NIPAL3: variants seen among roughly 807,000 people sequenced by gnomAD.
NIPAL3 encodes NIPA like domain containing 3, also known as NIPA-like protein 3.
NIPAL3 carries 41 observed loss-of-function variants against 47.2 expected under a neutral mutation model. That is an observed-to-expected ratio of 0.87 (90% CI 0.68 to 1.13). NIPAL3 has a LOEUF of 1.13. Ranked by LOEUF, NIPAL3 falls within the 50% of genes most tolerant of loss-of-function variation. NIPAL3 has a pLI of 0.00. For synonymous variants in NIPAL3, 194 were observed against 209.6 expected (o/e 0.93, Z 0.64); for missense variants, 449 against 530.1 (o/e 0.85, Z 1.50).
chr1:24,423,426 G>A (rs956014293), intron 2 of NIPAL3, among the ~76,000 whole-genome samples: 1 of 152,162 alleles, frequency 6.6e-6, no homozygotes, highest in African/African-American at 2.4e-5. Context: ...GGATCACGAG[G>A]TCAGGAGATC....
chr1:24,421,654 A>G (rs1644338255), intron 2 of NIPAL3, among the ~76,000 whole-genome samples: 1 of 152,192 alleles, frequency 6.6e-6, no homozygotes, highest in Admixed American at 6.5e-5. Flanking sequence ...CTAGCACTAC[A>G]CAGTAGGTCC....
intron 2 of NIPAL3, among the ~76,000 whole-genome samples, chr1:24,422,358 T>C (rs1300160644): frequency 6.6e-6 from 1 of 152,180 alleles, no homozygotes; most frequent in African/African-American, 2.4e-5. Context: ...TGTGTGATCT[T>C]GGGCAAGTGT....
rs1191796585 is a variant in NIPAL3, at chr1:24,469,030, C to G, written c.1066C>G (p.Leu356Val). ...HDKGMTVQPE[L>V]KASFSYGALE... ...TAAAGGGATGACTGTCCAGCCTGAA[C>G]TTAAAGCTTCTTTTTCCTATGGGGC... Residue 356 changes from leucine (L) to valine (V), a missense_variant, in exon 12 of 12, where the codon CTT becomes GTT. Coordinates refer to ENST00000374399, the MANE Select transcript of NIPAL3 (RefSeq NM_020448.5). 6.2e-7 allele frequency: 1 copy of G among 1,614,140 alleles called. No individual in the cohort carries two copies. Among genetic ancestry groups the G allele is most frequent in the Non-Finnish European group, 8.5e-7 (1 of 1,180,024 alleles).
chr1:24,413,899 G>A (rs192054522), upstream of NIPAL3: 1 of 152,356 alleles, frequency 6.6e-6, no homozygotes, highest in South Asian at 2.1e-4. Flanking sequence ...TTACATCAGG[G>A]CCTGTAGCGG....
intron 2 of NIPAL3, among the ~76,000 whole-genome samples, chr1:24,428,472 G>A (rs1054038631): frequency 2.0e-5 from 3 of 152,200 alleles, no homozygotes; most frequent in Non-Finnish European, 1.5e-5. Context: ...AGGAAGGAAT[G>A]CTGCCCAGAG....
At chr1:24,446,597 G>A (rs1387705861) in intron 5 of NIPAL3, among the ~76,000 whole-genome samples, 2 of 152,096 alleles carry the variant, frequency 1.3e-5, no homozygotes, top group Non-Finnish European at 2.9e-5. Context: ...CCCTGCAAAG[G>A]ATATGATATC....
intron 5 of NIPAL3, 48 bp downstream of exon 5, chr1:24,445,292 T>G (rs781550235): frequency 2.0e-4 from 268 of 1,321,736 alleles, no homozygotes; most frequent in Non-Finnish European, 2.6e-5. Context: ...ATGAACGCTT[T>G]TTATTAATTG....
chr1:24,458,571 G>A (rs1164603351), intron 8 of NIPAL3, among the ~76,000 whole-genome samples: 1 of 151,972 alleles, frequency 6.6e-6, no homozygotes, highest in Non-Finnish European at 1.5e-5. Flanking sequence ...TAGTGGGGTG[G>A]GGATACGGGG....
At chr1:24,450,586 A>G (rs1317307394) in intron 6 of NIPAL3, among the ~76,000 whole-genome samples, 1 of 152,204 alleles carries the variant, frequency 6.6e-6, no homozygotes, top group Non-Finnish European at 1.5e-5. Context: ...TGCTAAACAC[A>G]TTTTTATGTA....
At chr1:24,431,212 T>TA (rs35888895) in intron 2 of NIPAL3, among the ~76,000 whole-genome samples, 2 of 152,118 alleles carry the variant, frequency 1.3e-5, no homozygotes, top group Non-Finnish European at 2.9e-5. Flanking sequence ...TGATTATCAC[T>TA]AAAAAAAGTG....
At chr1:24,453,260 T>C (rs1290528827) in intron 6 of NIPAL3, 148 bp from the exon 7 acceptor site, 1 of 624,908 alleles carries the variant, frequency 1.6e-6, no homozygotes, top group East Asian at 2.8e-5. Context: ...CCCCTGAACG[T>C]CTAACAGTAG....
intron 2 of NIPAL3, chr1:24,433,151 G>A (rs1040778848): frequency 6.6e-6 from 1 of 152,158 alleles, no homozygotes; most frequent in Non-Finnish European, 1.5e-5. Context: ...TACAGTTGAG[G>A]AAACAAATGC....
rs1194249812 is a variant in NIPAL3 at position 24,419,541 on chromosome 1, G to A, written c.-7G>A. 38 of 1,610,480 alleles carry A rather than the reference G, an allele frequency of 2.4e-5. No homozygotes were observed. Among genetic ancestry groups the A allele is most frequent in the Non-Finnish European group, 3.1e-5 (37 of 1,178,548 alleles). On this transcript the variant is annotated 5_prime_UTR_variant, in exon 2 of 12. The change abolishes the stop of an existing upstream ORF in the 5' untranslated region. Coordinates refer to ENST00000374399, the MANE Select transcript of NIPAL3 (RefSeq NM_020448.5). ...CCAGGCCCTGTGGGATGCGCCACTA[G>A]ACCACCATGGACGGATCCCACAGCG... is the stretch of plus-strand genomic sequence containing the variant.
chr1:24,446,098 G>GTGTGTT, intron 5 of NIPAL3, among the ~76,000 whole-genome samples: 1 of 151,620 alleles, frequency 6.6e-6, no homozygotes, highest in South Asian at 2.1e-4. Flanking sequence ...GTGTGTGTGT[G>GTGTGTT]TGTGTGTGTT....
At chr1:24,453,868 G>A (rs1051312414) in intron 7 of NIPAL3, among the ~76,000 whole-genome samples, 1 of 152,176 alleles carries the variant, frequency 6.6e-6, no homozygotes, top group Non-Finnish European at 1.5e-5. Flanking sequence ...ATTGAGCCCT[G>A]AAAAGATCCA....
chr1:24,418,467 A>C lies in NIPAL3; in HGVS notation c.-257-824A>C, dbSNP rs534265032. On this transcript the variant is annotated intron_variant, in intron 1 of 11. Coordinates refer to ENST00000374399, the MANE Select transcript of NIPAL3 (RefSeq NM_020448.5). Reference sequence around the variant, plus strand: ...TAACATGGCGAAACCCTGTCTCTACAAAAAAATTAGCCAGGCCTTGTGGCA... The same window carrying C: ...TAACATGGCGAAACCCTGTCTCTACCAAAAAATTAGCCAGGCCTTGTGGCA... Among the ~76,000 whole-genome samples the C allele has an allele frequency of 7.2e-5, 11 of 152,146 alleles. No homozygotes were observed. The East Asian group carries it at 2.1e-3, about 29-fold the overall frequency.
At chr1:24,446,526 A>C (rs1346594179) in intron 5 of NIPAL3, among the ~76,000 whole-genome samples, 1 of 151,030 alleles carries the variant, frequency 6.6e-6, no homozygotes, top group Admixed American at 6.6e-5. Context: ...GACATGCAGT[A>C]TTTGGTTTTC....
intron 2 of NIPAL3, among the ~76,000 whole-genome samples, chr1:24,435,954 G>T (rs1363396855): frequency 6.6e-6 from 1 of 152,164 alleles, no homozygotes; most frequent in African/African-American, 2.4e-5. Context: ...TCTGGTGAGG[G>T]CGCGCCACCT....
Position 24,465,775 on chromosome 1 carries a change from T to A in NIPAL3, c.1021+1655T>A, listed in dbSNP as rs61593783. ...CTTCTTTCAGGCTAGTGGTCATATGTGTAAAGGCCTCTTGCACGGTGTCTG... is the reference window on the plus strand; with the variant it reads ...CTTCTTTCAGGCTAGTGGTCATATGAGTAAAGGCCTCTTGCACGGTGTCTG... On this transcript the variant is annotated intron_variant, in intron 11 of 11. Transcript: ENST00000374399. 2,435 of 401,038 alleles carry A rather than the reference T, an allele frequency of 6.1e-3. 54 individuals carry two copies. Among genetic ancestry groups the A allele is most frequent in the African/African-American group, 0.047 (2,270 of 48,250 alleles). 24.8% of individuals were successfully genotyped at this position (401,038 alleles called of 1,614,324 possible). A position where few individuals can be genotyped will look rare whatever the true frequency, so the allele number is the denominator to read the frequency against.
Sources: allele counts gnomAD v4.1 joint callset (sites outside exome capture counted in the v4.1 genomes callset), GRCh38; gene constraint gnomAD v4.1.1; transcripts MANE v1.5; gene names NCBI Gene and HGNC (gene_info 2026-07-23, HGNC 2026-07-21).